The following EHBP1 variants were observed in gnomAD, a reference collection of about 807,000 sequenced individuals.
The protein encoded by EHBP1 is EH domain binding protein 1, also known as EH domain-binding protein 1.
Under a neutral mutation model 144.0 loss-of-function variants are expected in EHBP1, and 55 were observed. That is an observed-to-expected ratio of 0.38 (90% confidence interval 0.31 to 0.48). The LOEUF is 0.48. Among genes scored for constraint, EHBP1 ranks in the 20% least tolerant of loss-of-function variants. EHBP1 has a pLI of 0.98. For synonymous variants in EHBP1, 469 were observed against 472.7 expected, an observed-to-expected ratio of 0.99 and a Z score of 0.10; for missense variants, 1,200 against 1,364.2, an observed-to-expected ratio of 0.88 and a Z score of 1.90.
At chr2:63,015,422 C>T (rs909697026) in intron 19 of EHBP1, among the ~76,000 whole-genome samples, 2 of 152,080 alleles carry the variant, frequency 1.3e-5, no homozygotes, top group South Asian at 2.1e-4. Context: ...CTATGTTCCT[C>T]GTAAGTATGG....
intron 5 of EHBP1, among the ~76,000 whole-genome samples, chr2:62,806,090 C>T (rs1464042338): frequency 6.6e-6 from 1 of 152,140 alleles, no homozygotes; most frequent in African/African-American, 2.4e-5. Flanking sequence ...AGTGATCATC[C>T]TGCCTCAGCC....
chr2:62,725,420 G>T (rs1486024160), intron 2 of EHBP1, among the ~76,000 whole-genome samples: 1 of 152,210 alleles, frequency 6.6e-6, no homozygotes, highest in African/African-American at 2.4e-5. Flanking sequence ...GGGGATGCGG[G>T]GGCCCCCTGC....
rs947580684 is a variant in EHBP1 at position 63,045,803 on chromosome 2, A to C, written c.*303A>C. 1 of 215,412 alleles carries C rather than the reference A, an allele frequency of 4.6e-6. No individual in the cohort carries two copies. The highest frequency in any genetic ancestry group is 2.3e-5 in the African/African-American group (1 of 43,536). 13.3% of individuals were successfully genotyped at this position (215,412 alleles called of 1,614,324 possible). A position where few individuals can be genotyped will look rare whatever the true frequency, so the allele number is the denominator to read the frequency against. Reference sequence around the variant, plus strand: ...TGGAGGTGTTCAAGAAACTGTTCGAAAAAGAACAAAAACACTTCCCTCGTT... The same window carrying C: ...TGGAGGTGTTCAAGAAACTGTTCGACAAAGAACAAAAACACTTCCCTCGTT... On this transcript the variant is annotated 3_prime_UTR_variant, in exon 23 of 23. Transcript: ENST00000431489. The surrounding 1 kb of genome is among the most constrained non-coding windows in gnomAD (Gnocchi z 5.7).
intron 19 of EHBP1, among the ~76,000 whole-genome samples, chr2:63,033,726 C>T (rs1216493074): frequency 1.3e-5 from 2 of 152,010 alleles, no homozygotes; most frequent in Non-Finnish European, 2.9e-5. Context: ...ATAAAAATTA[C>T]ATACAGATTC....
At chr2:62,928,164 G>A (rs1185737043) in intron 10 of EHBP1, among the ~76,000 whole-genome samples, 1 of 152,184 alleles carries the variant, frequency 6.6e-6, no homozygotes, top group Admixed American at 6.5e-5. Context: ...GTGGTTAGAG[G>A]TTGCTGGGGT....
At chr2:63,009,921 T>A (rs552803546) in intron 19 of EHBP1, among the ~76,000 whole-genome samples, 1 of 151,604 alleles carries the variant, frequency 6.6e-6, no homozygotes, top group Non-Finnish European at 1.5e-5. Flanking sequence ...AATAATCAAA[T>A]AGAACAATTA....
intron 10 of EHBP1, among the ~76,000 whole-genome samples, chr2:62,925,316 C>G (rs1388189204): frequency 6.6e-6 from 1 of 151,728 alleles, no homozygotes; most frequent in African/African-American, 2.4e-5. Flanking sequence ...ACTCTTACCA[C>G]TTCTATTCAG....
chr2:62,883,031 T>C (rs980590254), intron 10 of EHBP1, among the ~76,000 whole-genome samples: 1 of 152,042 alleles, frequency 6.6e-6, no homozygotes, highest in Non-Finnish European at 1.5e-5. Flanking sequence ...CACATATACA[T>C]ACACACACAC....
At chr2:62,805,259 A>G (rs1474038162) in intron 5 of EHBP1, among the ~76,000 whole-genome samples, 1 of 152,136 alleles carries the variant, frequency 6.6e-6, no homozygotes, top group African/African-American at 2.4e-5. Flanking sequence ...GAATATTGCC[A>G]TTCTAAATTA....
intron 19 of EHBP1, among the ~76,000 whole-genome samples, chr2:63,034,439 T>C (rs984751168): frequency 1.3e-5 from 2 of 152,054 alleles, no homozygotes; most frequent in Admixed American, 1.3e-4. Context: ...TTAAAGATAA[T>C]TTTGAAAAAG....
chr2:62,752,365 C>G (rs532341816), intron 3 of EHBP1, among the ~76,000 whole-genome samples: 63 of 152,234 alleles, frequency 4.1e-4, no homozygotes, highest in Non-Finnish European at 7.2e-4. Flanking sequence ...AATTTCTGTT[C>G]TTTTACATTT....
At chr2:62,825,848 C>G (rs1285686631) in intron 5 of EHBP1, among the ~76,000 whole-genome samples, 9 of 151,944 alleles carry the variant, frequency 5.9e-5, no homozygotes, top group Non-Finnish European at 8.8e-5. Context: ...TAGGGTTGTT[C>G]TAATCTTCTC....
chr2:62,866,272 CA>C (rs1304317376), intron 9 of EHBP1, among the ~76,000 whole-genome samples: 1 of 152,188 alleles, frequency 6.6e-6, no homozygotes, highest in African/African-American at 2.4e-5. Context: ...CTGCATCACA[CA>C]TGAAGCTCAA....
intron 5 of EHBP1, among the ~76,000 whole-genome samples, chr2:62,799,785 A>G (rs552248249): frequency 7.2e-5 from 11 of 152,334 alleles, no homozygotes; most frequent in African/African-American, 2.4e-4. Flanking sequence ...GTATGGCACC[A>G]GAATATGAAA....
At chr2:62,980,318 C>G (rs770204661) in intron 15 of EHBP1, among the ~76,000 whole-genome samples, 4 of 152,168 alleles carry the variant, frequency 2.6e-5, no homozygotes, top group African/African-American at 7.2e-5. Context: ...GGTTCGTGCT[C>G]CTGTGAGAAT....
chr2:62,997,756 A>G (rs1319789107), intron 19 of EHBP1, among the ~76,000 whole-genome samples: 1 of 152,154 alleles, frequency 6.6e-6, no homozygotes, highest in Admixed American at 6.5e-5. Context: ...GGACATTTGA[A>G]AATGCATAGA....
At chr2:62,806,038 G>A (rs1366366963) in intron 5 of EHBP1, among the ~76,000 whole-genome samples, 1 of 151,626 alleles carries the variant, frequency 6.6e-6, no homozygotes, top group Non-Finnish European at 1.5e-5. Flanking sequence ...GGAGTGCAGT[G>A]GTGCAACTGT....
At chr2:62,890,803 T>A (rs2052395829) in intron 10 of EHBP1, among the ~76,000 whole-genome samples, 3 of 152,346 alleles carry the variant, frequency 2.0e-5, no homozygotes, top group African/African-American at 7.2e-5. Flanking sequence ...AACTAAAGCA[T>A]GTTTTCAACA....
At chr2:63,001,044 A>G (rs2059830009) in intron 19 of EHBP1, among the ~76,000 whole-genome samples, 1 of 152,192 alleles carries the variant, frequency 6.6e-6, no homozygotes, top group Non-Finnish European at 1.5e-5. Flanking sequence ...GGAAATGCTG[A>G]TGGGCCCTTT....
Sources: gnomAD v4.1 joint callset for allele counts (sites outside exome capture counted in the v4.1 genomes callset) on GRCh38, gnomAD v4.1.1 for gene constraint, Gnocchi (gnomAD v3.1) non-coding constraint, MANE v1.5 for transcripts, NCBI Gene and HGNC (gene_info 2026-07-23, HGNC 2026-07-21) for gene names.